SCD5: variants seen among roughly 807,000 people sequenced by gnomAD.
The protein encoded by SCD5 is stearoyl-CoA desaturase 5.
A neutral mutation model predicts 30.4 loss-of-function variants in SCD5; 20 were observed. The ratio of observed to expected loss-of-function variants is 0.66; its 90% CI spans 0.46 to 0.96. The LOEUF (loss-of-function observed/expected upper bound fraction) is 0.96, where lower values mean the gene tolerates loss of function less well. SCD5 is among the 40% of genes least tolerant of loss of function. The pLI is 0.00. For missense variants in SCD5, 381 were observed against 443.3 expected (o/e 0.86, Z 1.26); for synonymous variants, 173 against 176.4 (o/e 0.98, Z 0.16).
chr4:82,725,582 G>T (rs553823154), intron 1 of SCD5, among the ~76,000 whole-genome samples: 1 of 152,010 alleles, frequency 6.6e-6, no homozygotes, highest in Admixed American at 6.6e-5. Flanking sequence ...AGCCTGGACC[G>T]GGCGTGGTGG....
At chr4:82,791,165 G>C (rs1286893675) in intron 1 of SCD5, among the ~76,000 whole-genome samples, 2 of 152,176 alleles carry the variant, frequency 1.3e-5, no homozygotes, top group Middle Eastern at 3.4e-3. Flanking sequence ...TTGAACCCGG[G>C]AGATGGAGGT....
intron 3 of SCD5, among the ~76,000 whole-genome samples, chr4:82,677,034 T>C (rs1324269457): frequency 6.6e-6 from 1 of 152,242 alleles, no homozygotes; most frequent in Non-Finnish European, 1.5e-5. Context: ...CTGCCAAGCT[T>C]TTCTTTAGTA....
intron 3 of SCD5, among the ~76,000 whole-genome samples, chr4:82,664,412 T>G (rs1041164657): frequency 6.9e-6 from 1 of 144,044 alleles, no homozygotes; most frequent in Admixed American, 7.2e-5. Flanking sequence ...TGTTCAGCAT[T>G]CAATTAAAAT....
intron 2 of SCD5, among the ~76,000 whole-genome samples, chr4:82,690,024 TA>T (rs1728797542): frequency 1.3e-5 from 2 of 152,294 alleles, no homozygotes; most frequent in East Asian, 3.9e-4. Flanking sequence ...AACAAGGAAC[TA>T]TTCCAGATGA....
At chr4:82,774,088 C>CAAAAAAAAAAAAAAAAACAAAAA (rs61709785) in intron 1 of SCD5, among the ~76,000 whole-genome samples, 1 of 91,544 alleles carries the variant, frequency 1.1e-5, no homozygotes, top group Non-Finnish European at 2.3e-5. Flanking sequence ...GACTCCATCT[C>CAAAAAAAAAAAAAAAAACAAAAA]AAAAAAAAAA....
intron 2 of SCD5, among the ~76,000 whole-genome samples, chr4:82,683,679 G>C (rs1398904808): frequency 1.3e-5 from 2 of 152,174 alleles, no homozygotes; most frequent in African/African-American, 2.4e-5. Flanking sequence ...CCCATGTGTT[G>C]AGGGAAGGAC....
intron 3 of SCD5, among the ~76,000 whole-genome samples, chr4:82,651,168 G>A (rs889547858): frequency 1.3e-5 from 2 of 152,190 alleles, no homozygotes; most frequent in Admixed American, 1.3e-4. Context: ...GGGCCTTACA[G>A]ACCCTCTGAA....
intron 2 of SCD5, among the ~76,000 whole-genome samples, chr4:82,691,225 C>T (rs1229802487): frequency 2.0e-5 from 3 of 152,124 alleles, no homozygotes; most frequent in Non-Finnish European, 4.4e-5. Context: ...GGGGTTTCAT[C>T]ATGTTGGCCA....
intron 1 of SCD5, among the ~76,000 whole-genome samples, chr4:82,726,046 T>C (rs549405306): frequency 6.6e-6 from 1 of 152,246 alleles, no homozygotes; most frequent in African/African-American, 2.4e-5. Flanking sequence ...GTCAGCCCAG[T>C]GGAGACTTCA....
intron 2 of SCD5, among the ~76,000 whole-genome samples, chr4:82,689,739 C>T (rs1035823789): frequency 6.6e-6 from 1 of 152,096 alleles, no homozygotes; most frequent in Non-Finnish European, 1.5e-5. Context: ...TCAATAATTA[C>T]AAAATAAAAA....
At chr4:82,779,611 C>T (rs923615796) in intron 1 of SCD5, among the ~76,000 whole-genome samples, 1 of 152,160 alleles carries the variant, frequency 6.6e-6, no homozygotes, top group Non-Finnish European at 1.5e-5. Context: ...GACTGTGTTG[C>T]CTAAGGATGC....
chr4:82,691,466 G>A (rs926869626), intron 2 of SCD5, among the ~76,000 whole-genome samples: 13 of 152,144 alleles, frequency 8.5e-5, no homozygotes, highest in Non-Finnish European at 8.8e-5. Flanking sequence ...TGTGTAGGTA[G>A]CATGGTGCTA....
At chr4:82,720,237 G>C (rs1444193653) in intron 1 of SCD5, among the ~76,000 whole-genome samples, 1 of 151,702 alleles carries the variant, frequency 6.6e-6, no homozygotes, top group East Asian at 1.9e-4. Context: ...AGACCAGCTT[G>C]GGCAACATAG....
intron 2 of SCD5, among the ~76,000 whole-genome samples, chr4:82,682,699 T>C (rs1039773234): frequency 6.6e-6 from 1 of 152,190 alleles, no homozygotes; most frequent in African/African-American, 2.4e-5. Flanking sequence ...CAGGCTAGAG[T>C]ACAGTGGTGC....
chr4:82,765,320 C>T (rs75851725), intron 1 of SCD5, among the ~76,000 whole-genome samples: 2,632 of 152,190 alleles, frequency 0.017, 69 homozygotes, highest in African/African-American at 0.061. Flanking sequence ...ACTCCACTGC[C>T]TTCTGGCTTG....
At chr4:82,669,184 G>A (rs1276535350) in intron 3 of SCD5, among the ~76,000 whole-genome samples, 2 of 152,078 alleles carry the variant, frequency 1.3e-5, no homozygotes, top group African/African-American at 4.8e-5. Context: ...AGATGAAGGT[G>A]GGGTAGAGAA....
intron 1 of SCD5, among the ~76,000 whole-genome samples, chr4:82,778,233 G>A (rs746754832): frequency 1.3e-5 from 2 of 152,056 alleles, no homozygotes; most frequent in African/African-American, 4.8e-5. Context: ...TGGGGGTGAG[G>A]GGAGGGAACT....
chr4:82,667,735 G>A (rs1475879262), intron 3 of SCD5, among the ~76,000 whole-genome samples: 10 of 152,114 alleles, frequency 6.6e-5, no homozygotes, highest in African/African-American at 2.4e-4. Context: ...TGGATGCAGG[G>A]AGAATTATTC....
At chr4:82,763,189 T>C (rs561776254) in intron 1 of SCD5, among the ~76,000 whole-genome samples, 45 of 152,294 alleles carry the variant, frequency 3.0e-4, no homozygotes, top group African/African-American at 9.9e-4. Context: ...AATGTGACTG[T>C]TTTGTATTTG....
Sources: gnomAD v4.1 joint callset for allele counts (sites outside exome capture counted in the v4.1 genomes callset) on GRCh38, gnomAD v4.1.1 for gene constraint, MANE v1.5 for transcripts, NCBI Gene and HGNC (gene_info 2026-07-23, HGNC 2026-07-21) for gene names.